UBAP2: variants seen among roughly 807,000 people sequenced by gnomAD.
UBAP2 encodes ubiquitin-associated protein 2.
Under a neutral mutation model 139.6 loss-of-function variants are expected in UBAP2, and 75 were observed. The ratio of observed to expected loss-of-function variants is 0.54; its 90% CI spans 0.45 to 0.65. The LOEUF (loss-of-function observed/expected upper bound fraction) is 0.65. Among genes scored for constraint, UBAP2 ranks in the 30% least tolerant of loss-of-function variants. The pLI, the probability that UBAP2 is intolerant of heterozygous loss-of-function variation, is 0.00. For missense variants in UBAP2, 1,368 were observed against 1,369.6 expected (o/e 1.00, Z 0.02); for synonymous variants, 526 against 526.2 (o/e 1.00, Z 0.01).
intron 1 of UBAP2, among the ~76,000 whole-genome samples, chr9:34,042,240 G>T (rs938820961): frequency 6.6e-6 from 1 of 151,732 alleles, no homozygotes; most frequent in Non-Finnish European, 1.5e-5. Context: ...AGCACTTTGG[G>T]AGCTCAGGTG....
chr9:33,963,739 A>G lies in UBAP2; in HGVS notation c.732T>C (p.Ser244=). ...NIAQDLSNKS[S]YGLKGAWKNS... The stretch of plus-strand genomic sequence containing the variant: ...AAGTATTCATACCTTTGAGTCCATA[A>G]GAACTTTTGTTTGACAGATCCTGAG... The change falls in exon 9 of 29, where the codon TCT becomes TCC. Residue 244 remains serine, a synonymous_variant. Coordinates refer to ENST00000379238, the MANE Select transcript of UBAP2 (RefSeq NM_001370062.2). The G allele has an allele frequency of 6.2e-7, 1 of 1,609,580 alleles. No homozygotes were observed.
At chr9:34,018,295 A>G (rs2131284354) in intron 1 of UBAP2, among the ~76,000 whole-genome samples, 1 of 151,706 alleles carries the variant, frequency 6.6e-6, no homozygotes, top group East Asian at 1.9e-4. Flanking sequence ...AACCTGCTAG[A>G]CAAATTCTAA....
intron 1 of UBAP2, among the ~76,000 whole-genome samples, chr9:34,031,420 G>A (rs778081223): frequency 2.6e-5 from 4 of 152,062 alleles, no homozygotes; most frequent in Non-Finnish European, 5.9e-5. Context: ...CTATTCTCCT[G>A]CCTTGGCCTC....
chr9:33,969,354 T>C (rs307675), intron 8 of UBAP2, among the ~76,000 whole-genome samples: 91,591 of 151,834 alleles, frequency 0.6, 27,711 homozygotes, highest in East Asian at 0.74. Flanking sequence ...TAAGACCAGC[T>C]TCCACAACAA....
chr9:33,995,299 G>C (rs1242744312), intron 4 of UBAP2: 1 of 150,550 alleles, frequency 6.6e-6, no homozygotes, highest in East Asian at 1.9e-4. Flanking sequence ...GGAGGTTGCA[G>C]TGAGTCAAGA....
At chr9:34,028,003 A>G (rs187030653) in intron 1 of UBAP2, among the ~76,000 whole-genome samples, 22 of 151,750 alleles carry the variant, frequency 1.4e-4, no homozygotes, top group African/African-American at 5.3e-4. Context: ...ATCCAATTCC[A>G]TGCAGCTCAA....
At chr9:34,012,214 T>C (rs1441327705) in intron 2 of UBAP2, among the ~76,000 whole-genome samples, 1 of 152,214 alleles carries the variant, frequency 6.6e-6, no homozygotes, top group East Asian at 1.9e-4. Flanking sequence ...ATACAATGTA[T>C]ATTCCACAAT....
intron 1 of UBAP2, among the ~76,000 whole-genome samples, chr9:34,032,697 G>A (rs1825987633): frequency 6.6e-6 from 1 of 152,128 alleles, no homozygotes; most frequent in Non-Finnish European, 1.5e-5. Context: ...GCCGAGGCAG[G>A]CGGATCACTT....
At chr9:34,021,903 C>T (rs562365293) in intron 1 of UBAP2, among the ~76,000 whole-genome samples, 1 of 152,178 alleles carries the variant, frequency 6.6e-6, no homozygotes, top group African/African-American at 2.4e-5. Context: ...CAAAGTGCTG[C>T]AATTACAGAC....
chr9:33,960,753 C>G (rs1210994708), intron 10 of UBAP2, 73 bp downstream of exon 10: 2 of 1,481,748 alleles, frequency 1.3e-6, no homozygotes, highest in Non-Finnish European at 1.9e-6. Context: ...GCATTCCAGC[C>G]TGGGCAACAA....
chr9:33,944,518 T>A lies in UBAP2; in HGVS notation c.1392A>T (p.Lys464Asn), dbSNP rs188499667. The change falls in exon 14 of 29, where the codon AAA (lysine) becomes AAT (asparagine). Residue 464 changes from lysine (K) to asparagine (N), a missense_variant. Coordinates refer to ENST00000379238, the MANE Select transcript of UBAP2 (RefSeq NM_001370062.2). ...PGLESFPSQA[K>N]LRESTPGDSP... Reference sequence around the variant, plus strand: ...TGTCTCCAGGTGTTGATTCTCGAAGTTTTGCCTGGGAAGGAAAGGACTCCA... The same window carrying A: ...TGTCTCCAGGTGTTGATTCTCGAAGATTTGCCTGGGAAGGAAAGGACTCCA... 6.2e-7 allele frequency: 1 copy of A among 1,614,082 alleles called. No individual in the cohort carries two copies. Among genetic ancestry groups the A allele is most frequent in the African/African-American group, 1.3e-5 (1 of 74,990 alleles).
chr9:34,035,514 A>AAAAAAAAAAAAATTATATATATATAT lies in UBAP2; in HGVS notation c.-42+13310_-42+13311insATATATATATATAATTTTTTTTTTTT. On this transcript the variant is annotated intron_variant, in intron 1 of 28. Transcript: ENST00000379238. Reference sequence around the variant, plus strand: ...GAGACTCCATCTAAAAAAAAAAAAAAATATATATATATAAAGATTAGCCAG... The same window carrying AAAAAAAAAAAAATTATATATATATAT: ...GAGACTCCATCTAAAAAAAAAAAAAAAAAAAAAAAAAATTATATATATATATATATATATATATAAAGATTAGCCAG... Among the ~76,000 whole-genome samples, 2 of 22,474 alleles carry AAAAAAAAAAAAATTATATATATATAT rather than the reference A, an allele frequency of 8.9e-5. 1 individual carries two copies. Among genetic ancestry groups the AAAAAAAAAAAAATTATATATATATAT allele is most frequent in the Non-Finnish European group, 2.0e-4 (2 of 10,250 alleles). 14.7% of individuals were successfully genotyped at this position (22,474 alleles called of 152,430 possible).
At chr9:33,984,205 G>A (rs1454488602) in intron 6 of UBAP2, among the ~76,000 whole-genome samples, 1 of 152,052 alleles carries the variant, frequency 6.6e-6, no homozygotes, top group East Asian at 1.9e-4. Context: ...CACCCGGCCT[G>A]AATCCCTGGG....
chr9:34,016,103 G>A (rs1587664128), intron 2 of UBAP2, among the ~76,000 whole-genome samples: 1 of 151,952 alleles, frequency 6.6e-6, no homozygotes, highest in Non-Finnish European at 1.5e-5. Context: ...AGGGAGAGGA[G>A]ATGATGATGA....
intron 2 of UBAP2, among the ~76,000 whole-genome samples, chr9:33,999,859 T>C (rs543003537): frequency 1.5e-3 from 102 of 65,948 alleles, no homozygotes; most frequent in Non-Finnish European, 2.4e-3. Flanking sequence ...ACTACGTATG[T>C]ATGTATGTAT....
chr9:33,944,705 AGTGTTC>A (rs1451247411), intron 13 of UBAP2, 66 bp from the exon 14 acceptor site: 1 of 1,513,676 alleles, frequency 6.6e-7, no homozygotes, highest in Non-Finnish European at 9.0e-7. Flanking sequence ...TAGAACATGA[AGTGTTC>A]TATTACCACC....
intron 6 of UBAP2, among the ~76,000 whole-genome samples, chr9:33,983,180 C>A (rs1348578121): frequency 6.6e-6 from 1 of 152,014 alleles, no homozygotes; most frequent in African/African-American, 2.4e-5. Flanking sequence ...GCCCGGCCCC[C>A]CTATAATGTG....
intron 1 of UBAP2, among the ~76,000 whole-genome samples, chr9:34,032,326 T>C (rs1825957114): frequency 6.6e-6 from 1 of 152,068 alleles, no homozygotes; most frequent in South Asian, 2.1e-4. Flanking sequence ...CACAATAACC[T>C]TGGTCTGTGA....
At chr9:33,934,864 G>A (rs751366766) in intron 17 of UBAP2, among the ~76,000 whole-genome samples, 4 of 152,104 alleles carry the variant, frequency 2.6e-5, no homozygotes, top group African/African-American at 4.8e-5. Context: ...AACGACCAAC[G>A]AATCTCCAAA....
Sources: gnomAD v4.1 joint callset for allele counts (sites outside exome capture counted in the v4.1 genomes callset) on GRCh38, gnomAD v4.1.1 for gene constraint, MANE v1.5 for transcripts, NCBI Gene and HGNC (gene_info 2026-07-23, HGNC 2026-07-21) for gene names.